The following CLMN variants were observed in gnomAD, a reference collection of about 807,000 sequenced individuals.
The protein encoded by CLMN is calmin (calponin-like, transmembrane).
Under a neutral mutation model 92.7 loss-of-function variants are expected in CLMN, and 57 were observed. The ratio of observed to expected loss-of-function variants is 0.61; its 90% CI spans 0.50 to 0.77. The LOEUF is 0.77. CLMN is among the 30% of genes least tolerant of loss of function. The pLI is 0.00. For missense variants in CLMN, 1,158 were observed against 1,237.5 expected (o/e 0.94, Z 0.96); for synonymous variants, 466 against 470.6 (o/e 0.99, Z 0.13).
At chr14:95,254,648 C>T (rs1358468598) in intron 1 of CLMN, among the ~76,000 whole-genome samples, 2 of 152,166 alleles carry the variant, frequency 1.3e-5, no homozygotes, top group East Asian at 1.9e-4. Context: ...TCCAGATGTT[C>T]AAGTCCTAAC....
chr14:95,313,490 C>CGTA (rs1450159613), intron 1 of CLMN, among the ~76,000 whole-genome samples: 1 of 152,166 alleles, frequency 6.6e-6, no homozygotes, highest in Non-Finnish European at 1.5e-5. Context: ...GCCTGTGGGC[C>CGTA]GTAGTTTGCA....
chr14:95,309,260 T>C (rs984366168), intron 1 of CLMN, among the ~76,000 whole-genome samples: 1 of 152,228 alleles, frequency 6.6e-6, no homozygotes. Flanking sequence ...ATTTTAATGA[T>C]GCTCTCTTGT....
Position 95,223,769 on chromosome 14 carries a change from C to T in CLMN, c.231G>A (p.Gly77=). ...TCTGTAACATACGTACCAGATTCCG[C>T]CCAGACAGGACTTCTAACAAAGCCA... ...ILMALLEVLS[G]RNLLHEYKSS... The change falls in exon 3 of 13, where the codon GGG becomes GGA. Residue 77 remains glycine (G), a synonymous_variant. Transcript: ENST00000298912. 1 of 1,612,782 alleles carries T rather than the reference C, an allele frequency of 6.2e-7. No individual in the cohort carries two copies. The highest frequency in any genetic ancestry group is 8.5e-7 in the Non-Finnish European group (1 of 1,179,332).
Position 95,269,451 on chromosome 14 carries a change from G to A in CLMN, c.83-39318C>T, listed in dbSNP as rs569417846. On this transcript the variant is annotated intron_variant, in intron 1 of 12. Coordinates refer to ENST00000298912, the MANE Select transcript of CLMN (RefSeq NM_024734.4). ...GGAAAATAATATGCTTCACCTCTGA[G>A]TGGTACATCTACGGAAAGGTGGTCA... Among the ~76,000 whole-genome samples, 40 of 152,280 alleles carry A rather than the reference G, an allele frequency of 2.6e-4. No homozygotes were observed. The East Asian group carries it at 7.3e-3, about 28-fold the overall frequency.
At chr14:95,220,070 C>A (rs1194769329) in intron 4 of CLMN, among the ~76,000 whole-genome samples, 1 of 151,040 alleles carries the variant, frequency 6.6e-6, no homozygotes, top group Non-Finnish European at 1.5e-5. Flanking sequence ...TGGTCCTTTG[C>A]GTCTGGCTTC....
Position 95,210,706 on chromosome 14 carries a change from G to T in CLMN, c.782C>A (p.Pro261His). The change falls in exon 7 of 13, where the codon CCC becomes CAC. Residue 261 changes from proline to histidine, a missense_variant. Coordinates refer to ENST00000298912, the MANE Select transcript of CLMN (RefSeq NM_024734.4). Reference sequence around the variant, plus strand: ...GCTACCTTCTGGCTCCAGGAGCCTGGGGATGTGCAGGGCATCCTGTGCGAT... The same window carrying T: ...GCTACCTTCTGGCTCCAGGAGCCTGTGGATGTGCAGGGCATCCTGTGCGAT... Reference protein sequence around the residue: ...FSIAQDALHIPRLLEPEDIMV... With the variant: ...FSIAQDALHIHRLLEPEDIMV... 1 of 1,605,610 alleles carries T rather than the reference G, an allele frequency of 6.2e-7. No homozygotes were observed. The highest frequency in any genetic ancestry group is 1.1e-5 in the South Asian group (1 of 90,182).
intron 1 of CLMN, among the ~76,000 whole-genome samples, chr14:95,233,762 C>CG (rs918930631): frequency 2.0e-5 from 3 of 152,168 alleles, no homozygotes; most frequent in Non-Finnish European, 4.4e-5. Flanking sequence ...TGGAACAAGG[C>CG]GGGGGGTGGC....
intron 1 of CLMN, among the ~76,000 whole-genome samples, chr14:95,268,741 G>A (rs1393379513): frequency 6.7e-6 from 1 of 149,180 alleles, no homozygotes; most frequent in East Asian, 2.0e-4. Context: ...TATGAAAGAG[G>A]TTACCACTGC....
intron 1 of CLMN, among the ~76,000 whole-genome samples, chr14:95,251,091 A>T (rs1449188724): frequency 4.6e-5 from 7 of 152,036 alleles, no homozygotes; most frequent in African/African-American, 1.7e-4. Flanking sequence ...TTTATTTCCC[A>T]TGTGGTATGG....
At chr14:95,205,583 C>G (rs769277952) in intron 8 of CLMN, among the ~76,000 whole-genome samples, 1 of 151,684 alleles carries the variant, frequency 6.6e-6, no homozygotes, top group East Asian at 1.9e-4. Flanking sequence ...CTATTTAAAG[C>G]AAAAATAACA....
intron 1 of CLMN, among the ~76,000 whole-genome samples, chr14:95,290,654 T>C (rs1192623999): frequency 6.6e-6 from 1 of 152,228 alleles, no homozygotes; most frequent in Non-Finnish European, 1.5e-5. Flanking sequence ...GCCTTGAATT[T>C]AGCCCAGTGA....
intron 8 of CLMN, 50 bp downstream of exon 8, chr14:95,209,345 C>A: frequency 1.3e-6 from 2 of 1,552,940 alleles, no homozygotes; most frequent in Non-Finnish European, 1.8e-6. Flanking sequence ...TGATGGCCAG[C>A]GGATGGAAAT....
intron 1 of CLMN, among the ~76,000 whole-genome samples, chr14:95,273,329 C>A (rs1218435554): frequency 2.0e-5 from 3 of 152,186 alleles, no homozygotes; most frequent in Non-Finnish European, 4.4e-5. Flanking sequence ...GTCAATGGAT[C>A]CACTACCCGC....
At position 95,265,340 on chromosome 14, in the gene CLMN, G is replaced by A. The variant is rs74078323; in HGVS notation, c.83-35207C>T. Reference sequence around the variant, plus strand: ...ATCAGTTAAAGCCTTAACACAAAGCGTGACCTCCTCTGAGCAAGAAGGAAT... The same window carrying A: ...ATCAGTTAAAGCCTTAACACAAAGCATGACCTCCTCTGAGCAAGAAGGAAT... On this transcript the variant is annotated intron_variant, in intron 1 of 12. Coordinates refer to ENST00000298912, the MANE Select transcript of CLMN (RefSeq NM_024734.4). Among the ~76,000 whole-genome samples the A allele has an allele frequency of 3.2e-3, 484 of 152,198 alleles. 1 individual carries two copies. Among genetic ancestry groups the A allele is most frequent in the African/African-American group, 0.011 (455 of 41,510 alleles).
chr14:95,284,233 A>G (rs1394230901), intron 1 of CLMN, among the ~76,000 whole-genome samples: 1 of 152,152 alleles, frequency 6.6e-6, no homozygotes, highest in East Asian at 1.9e-4. Context: ...AGGTTTGGGA[A>G]CCTCCGCCTA....
At position 95,189,989 on chromosome 14, in the gene CLMN, G is replaced by A. The variant is rs937871571; in HGVS notation, c.*1575C>T. The A allele has an allele frequency of 6.6e-6, 1 of 152,218 alleles. No homozygotes were observed. Among genetic ancestry groups the A allele is most frequent in the Admixed American group, 6.5e-5 (1 of 15,276 alleles). The allele number at this position is 152,218 out of a possible 1,614,324, so 9.4% of individuals were successfully genotyped here. A position where few individuals can be genotyped will look rare whatever the true frequency, so the allele number is the denominator to read the frequency against. The stretch of plus-strand genomic sequence containing the variant: ...GAAACCCACTGCTTGAAATGAGCAA[G>A]TCCTTGGCTAGCAAAGAAAGAAACG... On this transcript the variant is annotated 3_prime_UTR_variant, in exon 13 of 13. Coordinates refer to ENST00000298912, the MANE Select transcript of CLMN (RefSeq NM_024734.4).
chr14:95,228,491 G>T (rs1038753131), intron 2 of CLMN, among the ~76,000 whole-genome samples: 1 of 152,200 alleles, frequency 6.6e-6, no homozygotes, highest in Non-Finnish European at 1.5e-5. Flanking sequence ...GGTGTGGGTG[G>T]CCGAATGCCT....
intron 1 of CLMN, among the ~76,000 whole-genome samples, chr14:95,304,717 G>T (rs1901203022): frequency 6.6e-6 from 1 of 152,026 alleles, no homozygotes; most frequent in Non-Finnish European, 1.5e-5. Context: ...CAGATTAAGT[G>T]ATTTTATACA....
intron 8 of CLMN, among the ~76,000 whole-genome samples, chr14:95,207,768 T>G (rs1897086334): frequency 6.6e-6 from 1 of 152,126 alleles, no homozygotes; most frequent in Admixed American, 6.5e-5. Context: ...GGTCCGTATG[T>G]GGTGCAGGGA....
Sources: allele counts gnomAD v4.1 joint callset (sites outside exome capture counted in the v4.1 genomes callset), GRCh38; gene constraint gnomAD v4.1.1; transcripts MANE v1.5; gene names NCBI Gene and HGNC (gene_info 2026-07-23, HGNC 2026-07-21).